LINGO2: variants seen among roughly 807,000 people sequenced by gnomAD.
LINGO2 encodes the protein leucine rich repeat and Ig domain containing 2, also known as leucine-rich repeat and immunoglobulin-like domain-containing nogo receptor-interacting protein 2.
LINGO2 carries 14 observed loss-of-function variants against 30.6 expected under a neutral mutation model. The observed-to-expected ratio is 0.46, with a 90% confidence interval of 0.30 to 0.72. The LOEUF is 0.72. LINGO2 is among the 30% of genes least tolerant of loss of function. LINGO2 has a pLI of 0.07. For missense variants in LINGO2, 729 were observed against 751.7 expected (o/e 0.97, Z 0.35); for synonymous variants, 317 against 288.5 (o/e 1.10, Z -1.00).
the LINGO2 span, among the ~76,000 whole-genome samples, chr9:29,173,715 G>GAATATTCACCTAA: frequency 6.6e-6 from 1 of 151,952 alleles, no homozygotes; most frequent in African/African-American, 2.4e-5. Context: ...GAAAGAATGA[G>GAATATTCACCTAA]GTCTAGTTTA....
At chr9:29,136,316 T>G in the LINGO2 span, among the ~76,000 whole-genome samples, 3 of 152,138 alleles carry the variant, frequency 2.0e-5, no homozygotes, top group Non-Finnish European at 4.4e-5. Context: ...GAAATTTCTT[T>G]CTTGGAATCT....
the LINGO2 span, among the ~76,000 whole-genome samples, chr9:28,954,090 T>C: frequency 6.6e-6 from 1 of 152,156 alleles, no homozygotes; most frequent in Non-Finnish European, 1.5e-5. Context: ...AATTTTAACT[T>C]TTACTTCAAA....
intron 1 of LINGO2, among the ~76,000 whole-genome samples, chr9:28,524,407 C>T (rs1229827646): frequency 6.6e-6 from 1 of 152,154 alleles, no homozygotes; most frequent in African/African-American, 2.4e-5. Context: ...AGAGATTAGA[C>T]TTCATCAAAA....
At chr9:28,711,864 C>T in the LINGO2 span, among the ~76,000 whole-genome samples, 1 of 152,102 alleles carries the variant, frequency 6.6e-6, no homozygotes, top group Non-Finnish European at 1.5e-5. Flanking sequence ...CATTAAACAA[C>T]TCACAAATAC....
chr9:28,103,136 G>A (rs908168464), intron 4 of LINGO2, among the ~76,000 whole-genome samples: 4 of 152,106 alleles, frequency 2.6e-5, no homozygotes, highest in East Asian at 1.9e-4. Context: ...ACAAATTTCT[G>A]TTAACTTAAG....
At chr9:28,336,242 T>C (rs1305436831) in intron 3 of LINGO2, among the ~76,000 whole-genome samples, 2 of 152,128 alleles carry the variant, frequency 1.3e-5, no homozygotes, top group Admixed American at 1.3e-4. Flanking sequence ...TGTTTAAGAC[T>C]TTTGCTTATT....
the LINGO2 span, among the ~76,000 whole-genome samples, chr9:28,709,231 T>G: frequency 6.6e-6 from 1 of 151,704 alleles, no homozygotes; most frequent in African/African-American, 2.4e-5. Context: ...TGTTTTGTTT[T>G]GTTTTTTAAC....
intron 3 of LINGO2, among the ~76,000 whole-genome samples, chr9:28,298,392 G>T (rs997206696): frequency 6.6e-6 from 1 of 151,274 alleles, no homozygotes; most frequent in Admixed American, 6.6e-5. Context: ...GGGGCTGGGC[G>T]CAGTGGCTCA....
intron 1 of LINGO2, among the ~76,000 whole-genome samples, chr9:28,614,349 A>G (rs1175526725): frequency 6.6e-6 from 1 of 152,160 alleles, no homozygotes; most frequent in Non-Finnish European, 1.5e-5. Flanking sequence ...TCATTAGTGA[A>G]AATAACGAAA....
intron 4 of LINGO2, among the ~76,000 whole-genome samples, chr9:28,083,969 A>T (rs1386464613): frequency 6.6e-6 from 1 of 152,198 alleles, no homozygotes; most frequent in African/African-American, 2.4e-5. Flanking sequence ...CTGTTTTTTA[A>T]TTAACTAATA....
At chr9:29,080,358 G>A in the LINGO2 span, among the ~76,000 whole-genome samples, 21 of 151,626 alleles carry the variant, frequency 1.4e-4, no homozygotes, top group South Asian at 2.3e-3. Flanking sequence ...TCTTGCTAGC[G>A]GTCTATCAAT....
chr9:28,881,164 C>T, the LINGO2 span, among the ~76,000 whole-genome samples: 1 of 152,108 alleles, frequency 6.6e-6, no homozygotes, highest in African/African-American at 2.4e-5. Flanking sequence ...AGTCTCTCAT[C>T]CCACCCGACT....
At chr9:28,725,184 T>G in the LINGO2 span, among the ~76,000 whole-genome samples, 16 of 151,980 alleles carry the variant, frequency 1.1e-4, no homozygotes, top group African/African-American at 2.7e-4. Context: ...TCAAAAAAAT[T>G]TATCACACGT....
the LINGO2 span, among the ~76,000 whole-genome samples, chr9:28,867,619 A>G: frequency 1.3e-5 from 2 of 152,184 alleles, no homozygotes; most frequent in Non-Finnish European, 2.9e-5. Context: ...TCAAGCACCC[A>G]TAAAGCATGT....
chr9:29,191,746 T>C, the LINGO2 span, among the ~76,000 whole-genome samples: 1 of 152,154 alleles, frequency 6.6e-6, no homozygotes, highest in Non-Finnish European at 1.5e-5. Flanking sequence ...TTCACTACTT[T>C]AACATTTTTG....
intron 1 of LINGO2, among the ~76,000 whole-genome samples, chr9:28,629,384 C>G (rs75049840): frequency 0.019 from 2,906 of 152,100 alleles, 61 homozygotes; most frequent in African/African-American, 0.039. Context: ...ACTAGAAATT[C>G]CTTTCTTCTT....
intron 1 of LINGO2, among the ~76,000 whole-genome samples, chr9:28,544,399 T>C (rs1228651481): frequency 1.3e-5 from 2 of 152,224 alleles, no homozygotes; most frequent in Non-Finnish European, 2.9e-5. Flanking sequence ...TAGTTGGTGC[T>C]GGTTAACAGT....
intron 4 of LINGO2, among the ~76,000 whole-genome samples, chr9:28,079,201 A>AG (rs1335696951): frequency 1.5e-5 from 2 of 135,252 alleles, no homozygotes; most frequent in African/African-American, 7.8e-5. Flanking sequence ...ATGAAATTTA[A>AG]TATAGATAAC....
chr9:28,590,781 C>G (rs536154050), intron 1 of LINGO2, among the ~76,000 whole-genome samples: 3 of 152,048 alleles, frequency 2.0e-5, no homozygotes, highest in Non-Finnish European at 4.4e-5. Context: ...CTAGAAATAC[C>G]ATTTGACCCA....
Sources: allele counts gnomAD v4.1 joint callset (sites outside exome capture counted in the v4.1 genomes callset), GRCh38; gene constraint gnomAD v4.1.1; transcripts MANE v1.5; gene names NCBI Gene and HGNC (gene_info 2026-07-23, HGNC 2026-07-21).